The following WDFY2 variants were observed in gnomAD, a reference collection of about 807,000 sequenced individuals.
WDFY2 encodes the protein WD repeat and FYVE domain-containing protein 2.
WDFY2 carries 36 observed loss-of-function variants against 56.4 expected under a neutral mutation model. That is an observed-to-expected ratio of 0.64 (90% CI 0.49 to 0.84). WDFY2 has a LOEUF of 0.84. Among genes scored for constraint, WDFY2 ranks in the 40% least tolerant of loss-of-function variants. The pLI, the probability that WDFY2 is intolerant of heterozygous loss-of-function variation, is 0.00. For missense variants in WDFY2, 444 were observed against 512.2 expected (o/e 0.87, Z 1.29); for synonymous variants, 176 against 183.7 (o/e 0.96, Z 0.34).
chr13:51,585,328 GA>G (rs891511172), intron 1 of WDFY2, among the ~76,000 whole-genome samples: 86 of 152,324 alleles, frequency 5.6e-4, no homozygotes, highest in African/African-American at 2.0e-3. Flanking sequence ...ATCTTAGGCT[GA>G]ATTCAGTGAA....
At chr13:51,674,791 G>A (rs1955859857) in intron 2 of WDFY2, among the ~76,000 whole-genome samples, 1 of 152,136 alleles carries the variant, frequency 6.6e-6, no homozygotes, top group Non-Finnish European at 1.5e-5. Flanking sequence ...AGTTCAGAAA[G>A]GATAGGTTAT....
chr13:51,618,658 A>G (rs1056740164), intron 1 of WDFY2, among the ~76,000 whole-genome samples: 2 of 152,164 alleles, frequency 1.3e-5, no homozygotes, highest in Admixed American at 6.5e-5. Flanking sequence ...AGGTGAGCCT[A>G]CCTCTTCCTG....
In WDFY2 at chr13:51,759,995, A is replaced by T; in HGVS notation, c.*226A>T. The T allele has an allele frequency of 2.0e-6, 1 of 497,620 alleles. No homozygotes were observed. The highest frequency in any genetic ancestry group is 3.0e-5 in the East Asian group (1 of 33,372). The allele number at this position is 497,620 out of a possible 1,614,324, so 30.8% of individuals were successfully genotyped here. A position where few individuals can be genotyped will look rare whatever the true frequency, so the allele number is the denominator to read the frequency against. ...CAATATAAAAGAAGCTATTTTTTTA[A>T]CAAATGGTTTATACAGTCTGGCTGT... On this transcript the variant is annotated 3_prime_UTR_variant, in exon 12 of 12. Transcript: ENST00000298125.
intron 1 of WDFY2, among the ~76,000 whole-genome samples, chr13:51,634,464 A>G (rs1245455959): frequency 6.6e-6 from 1 of 152,216 alleles, no homozygotes; most frequent in Non-Finnish European, 1.5e-5. Context: ...TCATGAATCC[A>G]GGTAAGAGTC....
Position 51,602,022 on chromosome 13 carries a change from C to G in WDFY2, c.137+17198C>G, listed in dbSNP as rs114324206. Among the ~76,000 whole-genome samples the G allele has an allele frequency of 2.5e-3, 387 of 152,312 alleles. 3 individuals are homozygous for G. The highest frequency in any genetic ancestry group is 8.8e-3 in the African/African-American group (368 of 41,582). On this transcript the variant is annotated intron_variant, in intron 1 of 11. Transcript: ENST00000298125. ...TTACTTGCTGTGAGTATTGGCATTACACAATTGTAGATATGACTTTGAGTT... is the reference window on the plus strand; with the variant it reads ...TTACTTGCTGTGAGTATTGGCATTAGACAATTGTAGATATGACTTTGAGTT...
chr13:51,756,440 C>G lies in WDFY2; in HGVS notation c.1042C>G (p.His348Asp). The G allele has an allele frequency of 6.2e-7, 1 of 1,614,004 alleles. No individual in the cohort carries two copies. The highest frequency in any genetic ancestry group is 8.5e-7 in the Non-Finnish European group (1 of 1,179,956). Residue 348 changes from histidine (H) to aspartate (D), a missense_variant, in exon 10 of 12, where the codon CAC becomes GAC. Physicochemically the swap from His to Asp is moderately conservative, Grantham distance 81. Transcript: ENST00000298125. ...EFEVRVCDSCHEAITDEERAP... is the reference protein window; with the variant it reads ...EFEVRVCDSCDEAITDEERAP... ...TGAAGTGAGGGTCTGTGACAGCTGC[C>G]ACGAGGCCATCACAGATGAAGAGTA...
intron 5 of WDFY2, among the ~76,000 whole-genome samples, chr13:51,721,107 A>G (rs1952479600): frequency 6.6e-6 from 1 of 152,126 alleles, no homozygotes; most frequent in Non-Finnish European, 1.5e-5. Flanking sequence ...AATATATACA[A>G]TCTTTGTCAA....
At chr13:51,730,808 G>A (rs2138664039) in intron 6 of WDFY2, among the ~76,000 whole-genome samples, 1 of 152,282 alleles carries the variant, frequency 6.6e-6, no homozygotes, top group South Asian at 2.1e-4. Flanking sequence ...AGATGTGTGA[G>A]AGCATGGCTC....
chr13:51,688,725 A>C (rs1422142411), intron 3 of WDFY2, among the ~76,000 whole-genome samples: 1 of 152,222 alleles, frequency 6.6e-6, no homozygotes, highest in Non-Finnish European at 1.5e-5. Flanking sequence ...CATAACCATT[A>C]GGCTAAATAT....
Position 51,719,198 on chromosome 13 carries a change from C to A in WDFY2, c.335C>A (p.Ala112Glu). 6 of 1,614,148 alleles carry A rather than the reference C, an allele frequency of 3.7e-6. No homozygotes were observed. The highest frequency in any genetic ancestry group is 5.1e-6 in the Non-Finnish European group (6 of 1,180,034). The change falls in exon 5 of 12, where the codon GCG (alanine) becomes GAG (glutamate). Residue 112 changes from alanine (A) to glutamate (E), a missense_variant and splice_region_variant. Physicochemically the swap from Ala to Glu is moderately radical, Grantham distance 107 (BLOSUM62 -1). Coordinates refer to ENST00000298125, the MANE Select transcript of WDFY2 (RefSeq NM_052950.4). ...NKMTPVKNYQ[A>E]HQSRVTMILF... ...TGTTTTCTTTTCTCTTGGTTTTCAG[C>A]GCATCAGAGCAGAGTGACGATGATC... is the stretch of plus-strand genomic sequence containing the variant.
chr13:51,747,635 G>C (rs1166322486), intron 7 of WDFY2, among the ~76,000 whole-genome samples: 1 of 152,198 alleles, frequency 6.6e-6, no homozygotes, highest in African/African-American at 2.4e-5. Context: ...AGGCTCAAGT[G>C]ATCCTCTGAT....
chr13:51,720,203 G>T (rs548224539), intron 5 of WDFY2, among the ~76,000 whole-genome samples: 1 of 152,330 alleles, frequency 6.6e-6, no homozygotes, highest in East Asian at 1.9e-4. Context: ...TGCCTATTCA[G>T]TGATTCGCAA....
At chr13:51,712,017 A>G (rs943385751) in intron 4 of WDFY2, among the ~76,000 whole-genome samples, 1 of 152,226 alleles carries the variant, frequency 6.6e-6, no homozygotes, top group Admixed American at 6.5e-5. Flanking sequence ...ACTATTCACA[A>G]TAGCAAATAC....
At chr13:51,682,375 G>C (rs1385423503) in intron 3 of WDFY2, among the ~76,000 whole-genome samples, 5 of 152,250 alleles carry the variant, frequency 3.3e-5, no homozygotes, top group Admixed American at 2.6e-4. Flanking sequence ...CATATATTCA[G>C]CATAAACTCT....
chr13:51,718,556 T>TCACA (rs1193722989), intron 4 of WDFY2, among the ~76,000 whole-genome samples: 1 of 99,892 alleles, frequency 1.0e-5, no homozygotes, highest in African/African-American at 4.1e-5. Flanking sequence ...TTATTATCAT[T>TCACA]CATACACACA....
chr13:51,636,775 AG>A (rs1251127076), intron 1 of WDFY2, among the ~76,000 whole-genome samples: 1 of 152,250 alleles, frequency 6.6e-6, no homozygotes, highest in Non-Finnish European at 1.5e-5. Flanking sequence ...GATAGAGTCC[AG>A]AAAGGGACCC....
Position 51,698,039 on chromosome 13 carries a change from G to A in WDFY2, c.280-5557G>A, listed in dbSNP as rs1216173858. ...ACTCAGTCCTCATACAGTCTTATGA[G>A]GCTAGTACACAAAAGGAAAGTGAAG... On this transcript the variant is annotated intron_variant, in intron 3 of 11. Transcript: ENST00000298125. Among the ~76,000 whole-genome samples the A allele has an allele frequency of 2.6e-5, 4 of 152,096 alleles. No individual in the cohort carries two copies. In the South Asian group the frequency reaches 8.3e-4, roughly 32 times the overall value.
At chr13:51,625,082 T>C (rs1954815131) in intron 1 of WDFY2, among the ~76,000 whole-genome samples, 2 of 152,112 alleles carry the variant, frequency 1.3e-5, no homozygotes, top group African/African-American at 4.8e-5. Flanking sequence ...GACAGCTAAC[T>C]AGGTGCAGGG....
At chr13:51,615,557 A>C (rs2138344241) in intron 1 of WDFY2, among the ~76,000 whole-genome samples, 1 of 152,364 alleles carries the variant, frequency 6.6e-6, no homozygotes, top group Admixed American at 6.5e-5. Context: ...CCGTTTAAAC[A>C]GGCCCACTTA....
Sources: allele counts gnomAD v4.1 joint callset (sites outside exome capture counted in the v4.1 genomes callset), GRCh38; gene constraint gnomAD v4.1.1; transcripts MANE v1.5; gene names NCBI Gene and HGNC (gene_info 2026-07-23, HGNC 2026-07-21).